CHAF1A: variants seen among roughly 807,000 people sequenced by gnomAD.
The protein encoded by CHAF1A is chromatin assembly factor 1 subunit A, also known as CAF-1 subunit A.
Under a neutral mutation model 93.2 loss-of-function variants are expected in CHAF1A, and 5 were observed. The observed-to-expected ratio is 0.05, with a 90% CI of 0.03 to 0.11. The LOEUF (loss-of-function observed/expected upper bound fraction) is 0.11. Among genes scored for constraint, CHAF1A ranks in the 10% least tolerant of loss-of-function variants. The probability of loss-of-function intolerance (pLI) is 1.00; values close to 1 mark genes in which losing one functional copy is unlikely to be tolerated. For synonymous variants in CHAF1A, 504 were observed against 510.3 expected (o/e 0.99, Z 0.17); for missense variants, 1,102 against 1,259.9 (o/e 0.87, Z 1.90).
chr19:4,435,087 CTTTTTTTTTTTTT>C (rs869255408), intron 13 of CHAF1A, among the ~76,000 whole-genome samples: 3 of 87,966 alleles, frequency 3.4e-5, no homozygotes, highest in African/African-American at 4.7e-5. Context: ...CTTTTTTTTC[CTTTTTTTTTTTTT>C]TTTTTTTTTT....
chr19:4,431,182 G>A (rs949093756), intron 11 of CHAF1A: 2 of 153,132 alleles, frequency 1.3e-5, no homozygotes, highest in African/African-American at 4.9e-5. Flanking sequence ...AGGCTGGAGT[G>A]CAATGGCCCG....
At chr19:4,449,115 A>G (rs1015922136), downstream of CHAF1A, 2 of 153,772 alleles carry the variant, frequency 1.3e-5, no homozygotes, top group African/African-American at 4.8e-5. Flanking sequence ...AGAGGCTGAG[A>G]ACAGTACGTA....
intron 14 of CHAF1A, 109 bp from the exon 15 acceptor site, chr19:4,442,816 G>T (rs1974418671): frequency 1.3e-6 from 1 of 757,512 alleles, no homozygotes; most frequent in Non-Finnish European, 2.1e-6. Context: ...CAGGTGGAGG[G>T]TCCCGCCCTG....
downstream of CHAF1A, chr19:4,445,512 C>T (rs763974738): frequency 3.7e-6 from 6 of 1,613,804 alleles, no homozygotes; most frequent in Admixed American, 1.7e-5. Flanking sequence ...AAGAGCTTCT[C>T]GATGGCTGAC....
chr19:4,448,947 G>GA (rs1011842323), downstream of CHAF1A: 1 of 155,416 alleles, frequency 6.4e-6, no homozygotes, highest in African/African-American at 2.4e-5. Flanking sequence ...CTCAATGTCT[G>GA]AAACTCAATA....
At chr19:4,413,669 TTTC>T (rs1386701137) in intron 3 of CHAF1A, among the ~76,000 whole-genome samples, 4 of 152,334 alleles carry the variant, frequency 2.6e-5, no homozygotes, top group South Asian at 2.1e-4. Flanking sequence ...TTCTTTATTA[TTTC>T]TTCTTTAAAA....
At position 4,422,756 on chromosome 19, in the gene CHAF1A, T is replaced by G; in HGVS notation, c.1208T>G (p.Leu403Arg). 1 of 1,612,924 alleles carries G rather than the reference T, an allele frequency of 6.2e-7. No individual in the cohort carries two copies. Among genetic ancestry groups the G allele is most frequent in the Admixed American group, 1.7e-5 (1 of 59,996 alleles). ...AAGGAGAAGGCGGAGAAGCAGCGGCTCAAGGAGGAGCGGCGCAAGGAGAGA... is the reference window on the plus strand; with the variant it reads ...AAGGAGAAGGCGGAGAAGCAGCGGCGCAAGGAGGAGCGGCGCAAGGAGAGA... ...DEKEKAEKQR[L>R]KEERRKERQE... Residue 403 changes from leucine (L) to arginine (R), a missense_variant, in exon 5 of 15, where the codon CTC becomes CGC. This residue lies in a region of CHAF1A where 165 missense variants were observed against 243.9 expected (regional missense o/e 0.68). Transcript: ENST00000301280. This position sits in a 1 kb window ranked among gnomAD's most constrained non-coding sequence, Gnocchi z 4.6.
chr19:4,423,997 A>G, intron 7 of CHAF1A, 123 bp downstream of exon 7: 1 of 814,324 alleles, frequency 1.2e-6, no homozygotes, highest in Admixed American at 2.5e-5. Context: ...CCAGTGACCT[A>G]GGGCACTTCC....
At chr19:4,438,564 A>G (rs1974328795) in intron 13 of CHAF1A, among the ~76,000 whole-genome samples, 1 of 152,188 alleles carries the variant, frequency 6.6e-6, no homozygotes, top group Non-Finnish European at 1.5e-5. Context: ...GTGAAGTGCC[A>G]TGTATCTGTG....
rs976405517 is a variant in CHAF1A at position 4,432,228 on chromosome 19, G to T, written c.2203+21G>T. ...GCAGAGTGAGTGTGGGCGGGGCCAG[G>T]CCACCCACCTGTTCCTGGGCCCAGC... On this transcript the variant is annotated intron_variant, in intron 12 of 14. Coordinates refer to ENST00000301280, the MANE Select transcript of CHAF1A (RefSeq NM_005483.3). The T allele has an allele frequency of 2.5e-6, 4 of 1,578,926 alleles. No homozygotes were observed. In the African/African-American group the frequency reaches 4.0e-5, roughly 16 times the overall value.
At chr19:4,435,087 CTTTTTTTTTT>C (rs869255408) in intron 13 of CHAF1A, among the ~76,000 whole-genome samples, 1 of 87,966 alleles carries the variant, frequency 1.1e-5, no homozygotes, top group African/African-American at 4.7e-5. Flanking sequence ...CTTTTTTTTC[CTTTTTTTTTT>C]TTTTTTTTTT....
At chr19:4,448,780 G>A (rs1376635613), downstream of CHAF1A, 8 of 255,708 alleles carry the variant, frequency 3.1e-5, no homozygotes, top group African/African-American at 6.7e-5. Flanking sequence ...AGAACCTCCC[G>A]CCACCATGGA....
intron 3 of CHAF1A, among the ~76,000 whole-genome samples, chr19:4,411,644 C>CTTTTTGTTTTTTTTT (rs1973802227): frequency 2.1e-5 from 1 of 48,204 alleles, no homozygotes; most frequent in Non-Finnish European, 4.1e-5. Flanking sequence ...TGGTGCAAAT[C>CTTTTTGTTTTTTTTT]TTTTTTTTTT....
intron 11 of CHAF1A, among the ~76,000 whole-genome samples, 156 bp from the exon 12 acceptor site, chr19:4,431,796 A>G (rs1485982363): frequency 6.6e-6 from 1 of 152,172 alleles, no homozygotes; most frequent in Non-Finnish European, 1.5e-5. Flanking sequence ...CAGCCAGCGC[A>G]TGGTGTGCTC....
In CHAF1A at chr19:4,443,088, G is replaced by T; in HGVS notation, c.*63G>T. 2 of 1,077,708 alleles carry T rather than the reference G, an allele frequency of 1.9e-6. No homozygotes were observed. The highest frequency in any genetic ancestry group is 1.3e-5 in the South Asian group (1 of 74,606). 66.8% of individuals were successfully genotyped at this position (1,077,708 alleles called of 1,614,324 possible). On this transcript the variant is annotated 3_prime_UTR_variant, in exon 15 of 15. Transcript: ENST00000301280. ...TCCCCACAGAGCAGATACTTGAACC[G>T]ACTCAATTCCTGTGTAAAGAGCACT... is the stretch of plus-strand genomic sequence containing the variant.
rs745401090 is a variant in CHAF1A at position 4,429,735 on chromosome 19, G to A, written c.1801G>A (p.Asp601Asn). 9.3e-6 allele frequency: 15 copies of A among 1,614,096 alleles called. No homozygotes were observed. The highest frequency in any genetic ancestry group is 1.2e-5 in the Non-Finnish European group (14 of 1,180,032). The change falls in exon 10 of 15, where the codon GAT becomes AAT. Residue 601 changes from aspartate (D) to asparagine (N), a missense_variant. Transcript: ENST00000301280. ...GCTCCTGGACTATGAGGTGGACAGTGATGAGGAGTGGGAAGAAGAGGAGCC... is the reference window on the plus strand; with the variant it reads ...GCTCCTGGACTATGAGGTGGACAGTAATGAGGAGTGGGAAGAAGAGGAGCC... ...TKLLDYEVDS[D>N]EEWEEEEPGE...
rs1974423087 is a variant in CHAF1A at position 4,442,974 on chromosome 19, G to A, written c.2820G>A (p.Gly940=). Residue 940 remains glycine (G), a synonymous_variant, in exon 15 of 15, where the codon GGG becomes GGA. Transcript: ENST00000301280. ...GAASGAGGGV[G]VDTGKATLTA... ...CTTCCGGAGCTGGGGGTGGTGTGGG[G>A]GTGGACACCGGCAAGGCCACCCTGA... The A allele has an allele frequency of 3.7e-6, 6 of 1,604,818 alleles. No homozygotes were observed. The highest frequency in any genetic ancestry group is 1.7e-6 in the Non-Finnish European group (2 of 1,176,416).
chr19:4,431,749 G>A (rs1974186628), intron 11 of CHAF1A, among the ~76,000 whole-genome samples: 1 of 152,170 alleles, frequency 6.6e-6, no homozygotes, highest in South Asian at 2.1e-4. Flanking sequence ...CGCTCCCAAA[G>A]GAGACCAGGT....
intron 4 of CHAF1A, among the ~76,000 whole-genome samples, chr19:4,421,698 C>T (rs986300298): frequency 6.6e-6 from 1 of 152,152 alleles, no homozygotes; most frequent in East Asian, 1.9e-4. Context: ...ATCACTTGAG[C>T]CTGGGAGGTC....
Sources: gnomAD v4.1 joint callset for allele counts (sites outside exome capture counted in the v4.1 genomes callset) on GRCh38, gnomAD v4.1.1 for gene constraint, gnomAD v4.1.1 regional missense constraint, Gnocchi (gnomAD v3.1) non-coding constraint, MANE v1.5 for transcripts, NCBI Gene and HGNC (gene_info 2026-07-23, HGNC 2026-07-21) for gene names.